Variants in PRKAG3 observed in about 807,000 individuals in gnomAD.
PRKAG3 encodes the protein 5'-AMP-activated protein kinase subunit gamma-3.
PRKAG3 carries 39 observed loss-of-function variants against 56.5 expected under a neutral mutation model. That is an observed-to-expected ratio of 0.69 (90% confidence interval 0.53 to 0.90). The LOEUF is 0.90. Ranked by LOEUF, PRKAG3 falls within the 40% of genes least tolerant of loss-of-function variation. The pLI, the probability that PRKAG3 is intolerant of heterozygous loss-of-function variation, is 0.00. For synonymous variants in PRKAG3, 243 were observed against 250.1 expected, an observed-to-expected ratio of 0.97 and a Z score of 0.27; for missense variants, 628 against 627.5, an observed-to-expected ratio of 1.00 and a Z score of -0.01.
Position 218,827,646 on chromosome 2 carries a change from A to G in PRKAG3, c.821-17T>C. 6.2e-7 allele frequency: 1 copy of G among 1,613,900 alleles called. No homozygotes were observed. The highest frequency in any genetic ancestry group is 8.5e-7 in the Non-Finnish European group (1 of 1,179,850). On this transcript the variant is annotated splice_polypyrimidine_tract_variant and intron_variant, in intron 7 of 12. Coordinates refer to ENST00000529249, the Ensembl canonical transcript of PRKAG3. The surrounding 1 kb of genome is among the most constrained non-coding windows in gnomAD (Gnocchi z 5.3). ...GGTAGATCTCTGCAGAAAGAGCCAG[A>G]GTCAGGCCAGGGGAGCCGGTCACCT...
chr2:218,829,615 C>G (rs749697425), intron 4 of PRKAG3, among the ~76,000 whole-genome samples: 1 of 152,048 alleles, frequency 6.6e-6, no homozygotes, highest in Non-Finnish European at 1.5e-5. Context: ...CATGAGCCAC[C>G]GTGCCCGGCC....
chr2:218,827,258 G>A lies in PRKAG3; in HGVS notation c.991C>T (p.Leu331=). The A allele has an allele frequency of 6.2e-7, 1 of 1,614,194 alleles. No individual in the cohort carries two copies. Among genetic ancestry groups the A allele is most frequent in the Non-Finnish European group, 8.5e-7 (1 of 1,180,038 alleles). The change falls in exon 9 of 13, where the codon CTG becomes TTG. Residue 331 remains leucine (L), a synonymous_variant. Coordinates refer to ENST00000529249, the Ensembl canonical transcript of PRKAG3. This position sits in a 1 kb window ranked among gnomAD's most constrained non-coding sequence, Gnocchi z 5.3. ...GGGCCCAGGCTTACAAAGATGTGCA[G>A]GAACTTGAGCAGGCGTTTGTGTGTG...
exon 5 of PRKAG3, chr2:218,828,546 A>G (rs1194640470): frequency 1.2e-6 from 2 of 1,613,706 alleles, no homozygotes; most frequent in African/African-American, 1.3e-5. Context: ...TTGCTGTCCC[A>G]TAGAGGGGCT....
chr2:218,825,071 C>T (rs1355583483), intron 10 of PRKAG3, among the ~76,000 whole-genome samples: 1 of 152,096 alleles, frequency 6.6e-6, no homozygotes, highest in Non-Finnish European at 1.5e-5. Flanking sequence ...TTGAACACAT[C>T]AACTATGAAA....
chr2:218,823,135 A>G (rs571519772), downstream of PRKAG3: 14 of 867,716 alleles, frequency 1.6e-5, no homozygotes, highest in African/African-American at 2.2e-4. Context: ...GGCCTTTCCA[A>G]CAGGGGACCC....
chr2:218,827,006 C>T lies in PRKAG3; in HGVS notation c.1090G>A (p.Glu364Lys). 2 of 1,614,108 alleles carry T rather than the reference C, an allele frequency of 1.2e-6. No homozygotes were observed. Among genetic ancestry groups the T allele is most frequent in the Non-Finnish European group, 1.7e-6 (2 of 1,180,000 alleles). ...AGTGCAGTCAGGATGGGTGCTGTCT[C>T]CAGCACCACAGCCAAGTCTCGGAAT... The change falls in exon 10 of 13, where the codon GAG becomes AAG. Residue 364 changes from glutamate to lysine, a missense_variant. By Grantham distance (56) the Glu-to-Lys change is moderately conservative. Coordinates refer to ENST00000529249, the Ensembl canonical transcript of PRKAG3. The surrounding 1 kb of genome is among the most constrained non-coding windows in gnomAD (Gnocchi z 5.3).
intron 5 of PRKAG3, 127 bp downstream of exon 5, chr2:218,828,392 C>G (rs1386949458): frequency 5.7e-6 from 6 of 1,044,060 alleles, no homozygotes; most frequent in Admixed American, 5.3e-5. Flanking sequence ...TTTCCTCCAC[C>G]CTGGCCCCTG....
intron 4 of PRKAG3, among the ~76,000 whole-genome samples, chr2:218,829,293 C>T (rs968657098): frequency 3.3e-5 from 5 of 151,532 alleles, no homozygotes; most frequent in Admixed American, 6.6e-5. Context: ...AAGAGAGTCC[C>T]CTACTCTTTT....
Position 218,828,560 on chromosome 2 carries a change from C to T in PRKAG3, c.674G>A (p.Arg225Gln), listed in dbSNP as rs370008874. 2.7e-5 allele frequency: 43 copies of T among 1,613,664 alleles called. No individual in the cohort carries two copies. Among genetic ancestry groups the T allele is most frequent in the South Asian group, 4.4e-5 (4 of 91,004 alleles). ...CTTGCTGTCCCATAGAGGGGCTGCC[C>T]GCACACCGTTGGCCACCAGAGCAAA... Residue 225 changes from arginine to glutamine, a missense_variant, in exon 5 of 13, where the codon CGG (arginine) becomes CAG (glutamine). By Grantham distance (43) the Arg-to-Gln change is conservative. Transcript: ENST00000529249.
chr2:218,828,274 G>A (rs1943966765), intron 5 of PRKAG3, among the ~76,000 whole-genome samples: 1 of 152,198 alleles, frequency 6.6e-6, no homozygotes, highest in African/African-American at 2.4e-5. Flanking sequence ...TATGGCACAG[G>A]GCCATGCAGT....
intron 10 of PRKAG3, among the ~76,000 whole-genome samples, chr2:218,825,653 A>C (rs1943921321): frequency 6.6e-6 from 1 of 152,076 alleles, no homozygotes; most frequent in Admixed American, 6.6e-5. Flanking sequence ...ATCCCAAAAC[A>C]ACACCCAAAA....
At chr2:218,826,975 A>G (rs544441847) in exon 10 of PRKAG3, 1 of 1,614,184 alleles carries the variant, frequency 6.2e-7, no homozygotes, top group Admixed American at 1.7e-5. Flanking sequence ...GTCCACAAAG[A>G]TGTCCAGTGC....
chr2:218,823,011 T>C (rs1286081755), downstream of PRKAG3: 1 of 984,766 alleles, frequency 1.0e-6, no homozygotes, highest in Non-Finnish European at 1.2e-6. Context: ...CATGGTGCAC[T>C]GGGCATGCCC....
chr2:218,829,707 G>A (rs1462456510), intron 4 of PRKAG3, among the ~76,000 whole-genome samples: 5 of 152,146 alleles, frequency 3.3e-5, no homozygotes, highest in African/African-American at 1.2e-4. Context: ...GGTGCAGCAG[G>A]CATTTCGATC....
At chr2:218,825,487 A>G (rs1185401154) in intron 10 of PRKAG3, among the ~76,000 whole-genome samples, 1 of 151,514 alleles carries the variant, frequency 6.6e-6, no homozygotes, top group Non-Finnish European at 1.5e-5. Flanking sequence ...TACTAAAAAT[A>G]CCCCCCAAAA....
At chr2:218,831,402 G>C (rs1489359995) in intron 1 of PRKAG3, 27 bp from the exon 2 acceptor site, 6 of 1,582,536 alleles carry the variant, frequency 3.8e-6, no homozygotes, top group African/African-American at 1.3e-5. Flanking sequence ...TTCTGAAGGA[G>C]TGGGGAAAGT....
At position 218,826,918 on chromosome 2, in the gene PRKAG3, G is replaced by A. The variant is rs572875434; in HGVS notation, c.1168+10C>T. 1.4e-4 allele frequency: 219 copies of A among 1,613,976 alleles called. No individual in the cohort carries two copies. The South Asian group carries it at 1.9e-3, about 14-fold the overall frequency. On this transcript the variant is annotated intron_variant, in intron 10 of 12. Coordinates refer to ENST00000529249, the Ensembl canonical transcript of PRKAG3. ...GCCCAGCCCGAGCCTCTCATCCTGG[G>A]GGTGGGTACCACATTCGTTGACCAC...
chr2:218,826,147 GA>G (rs1943930208), intron 10 of PRKAG3, among the ~76,000 whole-genome samples: 1 of 152,186 alleles, frequency 6.6e-6, no homozygotes, highest in Non-Finnish European at 1.5e-5. Context: ...TTACTTCAGA[GA>G]AAAAGATGAA....
At chr2:218,828,524 A>T (rs772274969) in exon 5 of PRKAG3, 2 of 1,613,038 alleles carry the variant, frequency 1.2e-6, no homozygotes, top group South Asian at 2.2e-5. Flanking sequence ...CTCACCCACA[A>T]AGCTCTGCTT....
Sources: allele counts gnomAD v4.1 joint callset (sites outside exome capture counted in the v4.1 genomes callset), GRCh38; gene constraint gnomAD v4.1.1; non-coding constraint Gnocchi (gnomAD v3.1); transcripts MANE v1.5; gene names NCBI Gene and HGNC (gene_info 2026-07-23, HGNC 2026-07-21).